Variants in ADGRB3 observed in about 807,000 individuals in gnomAD.
ADGRB3 encodes the protein adhesion G protein-coupled receptor B3.
Under a neutral mutation model 193.4 loss-of-function variants are expected in ADGRB3, and 37 were observed. That is an observed-to-expected ratio of 0.19 (90% CI 0.15 to 0.25). ADGRB3 has a LOEUF of 0.25. Among genes scored for constraint, ADGRB3 ranks in the 10% least tolerant of loss-of-function variants. The pLI is 1.00. For synonymous variants in ADGRB3, 690 were observed against 644.2 expected, an observed-to-expected ratio of 1.07 and a Z score of -1.08; for missense variants, 1,637 against 1,852.9, an observed-to-expected ratio of 0.88 and a Z score of 2.14.
intron 28 of ADGRB3, among the ~76,000 whole-genome samples, chr6:69,358,437 G>T (rs1279624999): frequency 2.0e-5 from 3 of 151,906 alleles, no homozygotes; most frequent in Middle Eastern, 6.8e-3. Context: ...TTTTTCCCGG[G>T]CCTCATTGTA....
chr6:69,019,907 T>G (rs551596530), intron 13 of ADGRB3, among the ~76,000 whole-genome samples: 1 of 152,090 alleles, frequency 6.6e-6, no homozygotes, highest in South Asian at 2.1e-4. Context: ...TAAAAGTGGC[T>G]GGGCAGATAA....
chr6:69,273,917 AAAAACAAAAC>A (rs921648099), intron 20 of ADGRB3, among the ~76,000 whole-genome samples: 3 of 152,330 alleles, frequency 2.0e-5, no homozygotes, highest in African/African-American at 7.2e-5. Context: ...GTAGTTAGAA[AAAAACAAAAC>A]AAAACAAAAC....
chr6:68,869,665 C>G (rs1765402784), intron 3 of ADGRB3, among the ~76,000 whole-genome samples: 1 of 151,424 alleles, frequency 6.6e-6, no homozygotes, highest in Admixed American at 6.6e-5. Context: ...GTTATGGACT[C>G]TCACATATGA....
rs770031200 is a variant in ADGRB3, at chr6:69,324,887, A to G, written c.2830A>G (p.Thr944Ala). The change falls in exon 21 of 32, where the codon ACC becomes GCC. Residue 944 changes from threonine to alanine, a missense_variant. Physicochemically the swap from Thr to Ala is moderately conservative, Grantham distance 58. Around this residue, in one of 7 missense-constraint regions of ADGRB3, gnomAD observed 87 missense variants for 161.0 expected, o/e 0.54. Transcript: ENST00000370598. ...QTHNKSICTTTTAFLHFFFLA... is the reference protein window; with the variant it reads ...QTHNKSICTTATAFLHFFFLA... ...GTTTCCACAGAGTATCTGCACAACC[A>G]CCACTGCATTTTTGCACTTTTTCTT... The G allele has an allele frequency of 4.3e-6, 7 of 1,613,812 alleles. No homozygotes were observed. In the South Asian group the frequency reaches 7.7e-5, roughly 18 times the overall value.
chr6:69,383,062 C>T, intron 31 of ADGRB3, 127 bp downstream of exon 31: 1 of 491,276 alleles, frequency 2.0e-6, no homozygotes, highest in Non-Finnish European at 3.4e-6. Context: ...GTATAAGCCC[C>T]CAAAACATAC....
chr6:69,359,945 T>G (rs371181853), intron 28 of ADGRB3, among the ~76,000 whole-genome samples: 66 of 151,956 alleles, frequency 4.3e-4, no homozygotes, highest in South Asian at 1.7e-3. Flanking sequence ...TTCTGCCCTA[T>G]TATCCCCAAA....
intron 17 of ADGRB3, among the ~76,000 whole-genome samples, chr6:69,219,775 A>C (rs905623008): frequency 6.6e-6 from 1 of 151,886 alleles, no homozygotes; most frequent in Non-Finnish European, 1.5e-5. Context: ...AACTTGAGCT[A>C]TGCATTCTTA....
intron 17 of ADGRB3, among the ~76,000 whole-genome samples, chr6:69,204,460 G>A (rs1484171266): frequency 3.9e-5 from 6 of 152,146 alleles, no homozygotes; most frequent in Admixed American, 3.9e-4. Flanking sequence ...TCTAAGGATA[G>A]TGATTAAGAG....
chr6:68,674,791 T>C (rs528734101), intron 3 of ADGRB3, among the ~76,000 whole-genome samples: 4 of 152,308 alleles, frequency 2.6e-5, no homozygotes, highest in Admixed American at 2.6e-4. Flanking sequence ...GCTGAAATAA[T>C]TTTTCCAGAG....
At chr6:69,130,400 A>G (rs1272948887) in intron 17 of ADGRB3, among the ~76,000 whole-genome samples, 1 of 151,656 alleles carries the variant, frequency 6.6e-6, no homozygotes, top group East Asian at 1.9e-4. Flanking sequence ...TAGTATGCCC[A>G]GTTCTGAACA....
chr6:68,932,973 T>G (rs1437171110), intron 4 of ADGRB3, among the ~76,000 whole-genome samples: 1 of 149,890 alleles, frequency 6.7e-6, no homozygotes, highest in Non-Finnish European at 1.5e-5. Context: ...AGTGATAAAG[T>G]GAGTGTGACT....
chr6:68,749,738 C>T (rs10945140), intron 3 of ADGRB3, among the ~76,000 whole-genome samples: 112,679 of 151,862 alleles, frequency 0.74, 42,220 homozygotes, highest in Middle Eastern at 0.91. Context: ...AAAAGAACAC[C>T]ATTGCATTCT....
intron 17 of ADGRB3, among the ~76,000 whole-genome samples, chr6:69,229,371 T>C (rs900167751): frequency 6.6e-6 from 1 of 152,148 alleles, no homozygotes; most frequent in Non-Finnish European, 1.5e-5. Flanking sequence ...ACTATTATTA[T>C]GATTTGGAAA....
intron 17 of ADGRB3, among the ~76,000 whole-genome samples, chr6:69,118,196 C>T (rs2150328434): frequency 6.6e-6 from 1 of 152,214 alleles, no homozygotes; most frequent in South Asian, 2.1e-4. Context: ...TGAAATTCTT[C>T]CAAATATAGT....
At chr6:69,377,947 C>CAA (rs2127343810) in intron 30 of ADGRB3, among the ~76,000 whole-genome samples, 1 of 152,144 alleles carries the variant, frequency 6.6e-6, no homozygotes, top group African/African-American at 2.4e-5. Context: ...GCCATTCTTC[C>CAA]AGCGGGAAGA....
chr6:68,636,664 T>C (rs1240236202), intron 1 of ADGRB3, among the ~76,000 whole-genome samples: 1 of 152,146 alleles, frequency 6.6e-6, no homozygotes, highest in Non-Finnish European at 1.5e-5. Flanking sequence ...GAGCATTATA[T>C]TGAGTGCGCT....
chr6:68,846,680 C>G (rs1158532562), intron 3 of ADGRB3, among the ~76,000 whole-genome samples: 1 of 152,216 alleles, frequency 6.6e-6, no homozygotes, highest in Non-Finnish European at 1.5e-5. Context: ...GTTTGGGAAG[C>G]TCCACCTAGA....
chr6:69,228,192 G>A (rs1346851870), intron 17 of ADGRB3, among the ~76,000 whole-genome samples: 3 of 152,216 alleles, frequency 2.0e-5, no homozygotes, highest in Non-Finnish European at 4.4e-5. Context: ...AGGAGGCGGA[G>A]GTTGCAGTGA....
chr6:69,187,596 T>G (rs1292481443), intron 17 of ADGRB3, among the ~76,000 whole-genome samples: 1 of 152,234 alleles, frequency 6.6e-6, no homozygotes, highest in Non-Finnish European at 1.5e-5. Flanking sequence ...TATCATCCCC[T>G]TTGAAGTTGT....
Sources: allele counts gnomAD v4.1 joint callset (sites outside exome capture counted in the v4.1 genomes callset), GRCh38; gene constraint gnomAD v4.1.1; regional missense constraint gnomAD v4.1.1; transcripts MANE v1.5; gene names NCBI Gene and HGNC (gene_info 2026-07-23, HGNC 2026-07-21).